POLN: variants seen among roughly 807,000 people sequenced by gnomAD.
POLN encodes DNA polymerase N.
Under a neutral mutation model 113.5 loss-of-function variants are expected in POLN, and 108 were observed. The ratio of observed to expected loss-of-function variants is 0.95; its 90% CI spans 0.81 to 1.12. The LOEUF (loss-of-function observed/expected upper bound fraction) is 1.12, where lower values mean the gene tolerates loss of function less well. POLN is among the 50% of genes most tolerant of loss of function. The pLI is 0.00. For missense variants in POLN, 1,097 were observed against 1,077.1 expected (o/e 1.02, Z -0.26); for synonymous variants, 386 against 391.5 (o/e 0.99, Z 0.17).
At chr4:2,174,552 A>G in intron 10 of POLN, 139 bp downstream of exon 10, 2 of 755,274 alleles carry the variant, frequency 2.6e-6, no homozygotes, top group Non-Finnish European at 4.5e-6. Context: ...CAGAAAGGGA[A>G]AATAATAGGC....
chr4:2,131,219 A>T lies in POLN; in HGVS notation c.1789+14T>A, dbSNP rs189602850. 4.2e-4 allele frequency: 661 copies of T among 1,557,812 alleles called. 8 individuals carry two copies. In the East Asian group the frequency reaches 0.014, roughly 33 times the overall value. On this transcript the variant is annotated intron_variant, in intron 17 of 25. Transcript: ENST00000511885. ...TTACCAGAGACTTTAGCAAGGTAGTAAGAAATGAGTTACCTTTAAAATTCT... is the reference window on the plus strand; with the variant it reads ...TTACCAGAGACTTTAGCAAGGTAGTTAGAAATGAGTTACCTTTAAAATTCT...
chr4:2,079,782 A>C, intron 23 of POLN: 2 of 827,610 alleles, frequency 2.4e-6, no homozygotes, highest in Non-Finnish European at 2.9e-6. Flanking sequence ...ACGATGTTTT[A>C]CCCTGTTGGC....
intron 8 of POLN, among the ~76,000 whole-genome samples, chr4:2,178,615 T>G (rs1161132180): frequency 7.8e-6 from 1 of 127,808 alleles, no homozygotes; most frequent in Non-Finnish European, 1.7e-5. Context: ...CCCAAGACAG[T>G]TTTTTTTTTT....
intron 2 of POLN, chr4:2,240,670 T>C: frequency 6.2e-7 from 1 of 1,614,080 alleles, no homozygotes; most frequent in South Asian, 1.1e-5. Context: ...TCATCCAGTC[T>C]AGGTGTCTTC....
intron 16 of POLN, among the ~76,000 whole-genome samples, chr4:2,146,500 A>T (rs1325341946): frequency 1.3e-5 from 2 of 152,330 alleles, no homozygotes; most frequent in African/African-American, 2.4e-5. Context: ...GCAAAACTCC[A>T]TCTCAACAAC....
intron 7 of POLN, among the ~76,000 whole-genome samples, chr4:2,182,564 A>T (rs1011454781): frequency 6.6e-6 from 1 of 152,214 alleles, no homozygotes; most frequent in Non-Finnish European, 1.5e-5. Context: ...CCAGAACTGT[A>T]AGAAAATAAA....
intron 8 of POLN, among the ~76,000 whole-genome samples, chr4:2,178,819 C>A (rs1025201169): frequency 6.6e-6 from 1 of 152,116 alleles, no homozygotes; most frequent in African/African-American, 2.4e-5. Flanking sequence ...ACCAGGTTGG[C>A]TAGGTTGGTC....
chr4:2,186,436 C>T (rs1733274829), intron 7 of POLN, among the ~76,000 whole-genome samples: 1 of 152,116 alleles, frequency 6.6e-6, no homozygotes, highest in South Asian at 2.1e-4. Context: ...GGCATGAACT[C>T]CCGGCTAGCC....
At position 2,095,859 on chromosome 4, in the gene POLN, T is replaced by A. The variant is rs772669141; in HGVS notation, c.2057A>T (p.Tyr686Phe). 2 of 1,613,872 alleles carry A rather than the reference T, an allele frequency of 1.2e-6. No homozygotes were observed. The highest frequency in any genetic ancestry group is 1.7e-6 in the Non-Finnish European group (2 of 1,179,996). Residue 686 changes from tyrosine (Y) to phenylalanine (F), a missense_variant, in exon 20 of 26, where the codon TAT becomes TTT. Tyr to Phe is a conservative substitution (Grantham distance 22). Coordinates refer to ENST00000511885, the MANE Select transcript of POLN (RefSeq NM_181808.4). Reference sequence around the variant, plus strand: ...CCCGGCCCGCAGCCTACCTGCTCCATAGACCACCGCGTACACCACCTTCTT... The same window carrying A: ...CCCGGCCCGCAGCCTACCTGCTCCAAAGACCACCGCGTACACCACCTTCTT... ...QTKKVVYAVVYGAGKERLAAC... is the reference protein window; with the variant it reads ...QTKKVVYAVVFGAGKERLAAC...
At chr4:2,162,671 G>A (rs931208777) in intron 13 of POLN, among the ~76,000 whole-genome samples, 1 of 151,980 alleles carries the variant, frequency 6.6e-6, no homozygotes, top group Non-Finnish European at 1.5e-5. Context: ...TGCCCAGGCT[G>A]GTCTTGAACT....
At position 2,208,235 on chromosome 4, in the gene POLN, T is replaced by C; in HGVS notation, c.466A>G (p.Arg156Gly). Residue 156 changes from arginine to glycine, a missense_variant, in exon 5 of 26, where the codon AGA (arginine) becomes GGA (glycine). Physicochemically the swap from Arg to Gly is moderately radical, Grantham distance 125 (BLOSUM62 -2). Transcript: ENST00000511885. ...AAATTATTATATGTAATATGTTTTC[T>C]TTTAAGATTAATGCTTCCTTTATTT... is the stretch of plus-strand genomic sequence containing the variant. ...NENKGSINLK[R>G]KHITYNNLSE... The C allele has an allele frequency of 6.3e-7, 1 of 1,590,568 alleles. No homozygotes were observed. Among genetic ancestry groups the C allele is most frequent in the Non-Finnish European group, 8.6e-7 (1 of 1,161,712 alleles).
intron 24 of POLN, among the ~76,000 whole-genome samples, chr4:2,073,767 G>A (rs922395679): frequency 3.3e-5 from 5 of 152,244 alleles, no homozygotes; most frequent in Admixed American, 2.6e-4. Context: ...AAGCCGTGGT[G>A]GGCGCCACCT....
chr4:2,220,075 A>G (rs932446247), intron 3 of POLN, among the ~76,000 whole-genome samples: 1 of 152,078 alleles, frequency 6.6e-6, no homozygotes, highest in African/African-American at 2.4e-5. Context: ...TGTGCCAGTT[A>G]TCAACATACT....
chr4:2,203,578 T>TAA (rs775806584), intron 5 of POLN, among the ~76,000 whole-genome samples: 3 of 116,228 alleles, frequency 2.6e-5, no homozygotes, highest in African/African-American at 3.2e-5. Flanking sequence ...AGACTCTGTC[T>TAA]AAAAAAAAAA....
intron 19 of POLN, among the ~76,000 whole-genome samples, chr4:2,101,341 A>T (rs193015083): frequency 2.0e-4 from 31 of 152,342 alleles, no homozygotes; most frequent in Admixed American, 1.4e-3. Context: ...CTATGTAGAC[A>T]ATCACACTTT....
intron 2 of POLN, 115 bp downstream of exon 2, chr4:2,241,405 G>T (rs879071172): frequency 1.5e-6 from 1 of 670,580 alleles, no homozygotes; most frequent in Non-Finnish European, 1.8e-6. Flanking sequence ...AAAATAAATG[G>T]ATCCAAACAA....
chr4:2,120,308 A>C (rs543929748), intron 19 of POLN, among the ~76,000 whole-genome samples: 51 of 152,112 alleles, frequency 3.4e-4, no homozygotes, highest in Admixed American at 6.5e-4. Flanking sequence ...TTTAATAGGA[A>C]TTGCACTATA....
intron 19 of POLN, among the ~76,000 whole-genome samples, chr4:2,098,497 A>C (rs1414099791): frequency 6.6e-6 from 1 of 152,244 alleles, no homozygotes; most frequent in African/African-American, 2.4e-5. Context: ...AAAATGTATC[A>C]TAGAGGTCTT....
chr4:2,241,449 T>G lies in POLN; in HGVS notation c.-13+71A>C, dbSNP rs1458341103. 3.1e-6 allele frequency: 3 copies of G among 971,658 alleles called. No homozygotes were observed. In the South Asian group the frequency reaches 1.4e-4, roughly 46 times the overall value. 60.2% of individuals were successfully genotyped at this position (971,658 alleles called of 1,614,324 possible). A position where few individuals can be genotyped will look rare whatever the true frequency, so the allele number is the denominator to read the frequency against. ...CACCAGGAGGCTAGGCAGCCTCTCTTCCCTGCCCTCCGTACGTAAGAAGAC... is the reference window on the plus strand; with the variant it reads ...CACCAGGAGGCTAGGCAGCCTCTCTGCCCTGCCCTCCGTACGTAAGAAGAC... On this transcript the variant is annotated intron_variant, in intron 2 of 25. Coordinates refer to ENST00000511885, the MANE Select transcript of POLN (RefSeq NM_181808.4).
Sources: allele counts gnomAD v4.1 joint callset (sites outside exome capture counted in the v4.1 genomes callset), GRCh38; gene constraint gnomAD v4.1.1; transcripts MANE v1.5; gene names NCBI Gene and HGNC (gene_info 2026-07-23, HGNC 2026-07-21).